The following EFEMP1 variants were observed in gnomAD, a reference collection of about 807,000 sequenced individuals.
The protein encoded by EFEMP1 is EGF-containing fibulin-like extracellular matrix protein 1.
In EFEMP1, 18 loss-of-function variants were observed where a neutral mutation model predicts 65.7. That is an observed-to-expected ratio of 0.27 (90% CI 0.19 to 0.41). EFEMP1 has a LOEUF of 0.41. EFEMP1 is among the 10% of genes least tolerant of loss of function. EFEMP1 has a pLI of 1.00. For synonymous variants in EFEMP1, 237 were observed against 219.7 expected (o/e 1.08, Z -0.70); for missense variants, 469 against 624.8 (o/e 0.75, Z 2.66).
chr2:55,884,962 G>A (rs956395355), intron 5 of EFEMP1, among the ~76,000 whole-genome samples: 13 of 152,166 alleles, frequency 8.5e-5, no homozygotes, highest in African/African-American at 3.1e-4. Context: ...ACCATTTGCT[G>A]AGAATTGGTA....
At chr2:55,898,702 A>G (rs1669924881) in intron 5 of EFEMP1, among the ~76,000 whole-genome samples, 1 of 152,048 alleles carries the variant, frequency 6.6e-6, no homozygotes, top group South Asian at 2.1e-4. Context: ...ATCTGTCACT[A>G]ATTGTGACAG....
chr2:55,868,645 A>C (rs529545042), intron 11 of EFEMP1, among the ~76,000 whole-genome samples: 14 of 152,274 alleles, frequency 9.2e-5, no homozygotes, highest in African/African-American at 3.4e-4. Context: ...TTGACAGCCC[A>C]CATTGATTTT....
At chr2:55,876,141 G>A (rs1669027860) in intron 8 of EFEMP1, among the ~76,000 whole-genome samples, 1 of 152,082 alleles carries the variant, frequency 6.6e-6, no homozygotes, top group Non-Finnish European at 1.5e-5. Flanking sequence ...ATGTGCCCAA[G>A]TCACACAGTA....
intron 6 of EFEMP1, 64 bp downstream of exon 6, chr2:55,881,548 G>T: frequency 6.2e-7 from 1 of 1,604,426 alleles, no homozygotes; most frequent in Non-Finnish European, 8.5e-7. Flanking sequence ...TGATTGGAAT[G>T]CTTGAGGTTG....
At chr2:55,901,081 A>T (rs1401702652) in intron 5 of EFEMP1, among the ~76,000 whole-genome samples, 1 of 152,218 alleles carries the variant, frequency 6.6e-6, no homozygotes, top group Non-Finnish European at 1.5e-5. Context: ...AAAGGTGATG[A>T]TTCTAGGAGC....
intron 9 of EFEMP1, among the ~76,000 whole-genome samples, chr2:55,874,719 T>TA (rs1327135421): frequency 4.6e-5 from 7 of 152,060 alleles, no homozygotes; most frequent in African/African-American, 1.4e-4. Flanking sequence ...TACATATCAA[T>TA]ATTTTATTAA....
In EFEMP1 at chr2:55,919,403, T is replaced by C. The variant is rs773013069; in HGVS notation, c.82-1136A>G. ...ATTCTGTAGGTCTGGGTAGGGGGCC[T>C]GGAATCTAAATTCTTAGCAAGTATC... On this transcript the variant is annotated intron_variant, in intron 3 of 11. Coordinates refer to ENST00000355426, the MANE Select transcript of EFEMP1 (RefSeq NM_001039348.3). The surrounding 1 kb of genome is among the most constrained non-coding windows in gnomAD (Gnocchi z 4.5). 6.6e-6 allele frequency among the ~76,000 whole-genome samples: 1 copy of C among 152,180 alleles called. No homozygotes were observed. The highest frequency in any genetic ancestry group is 1.5e-5 in the Non-Finnish European group (1 of 68,030).
chr2:55,918,398 TG>T (rs1470840098), intron 3 of EFEMP1, 131 bp from the exon 4 acceptor site: 3 of 1,063,948 alleles, frequency 2.8e-6, no homozygotes, highest in Non-Finnish European at 4.4e-6. Flanking sequence ...TATGATGAGA[TG>T]GGTGGTTTAA....
chr2:55,881,562 C>T (rs766187247), intron 6 of EFEMP1, 50 bp downstream of exon 6: 86 of 1,611,112 alleles, frequency 5.3e-5, no homozygotes, highest in Middle Eastern at 2.1e-4. Context: ...GAGGTTGAAA[C>T]AGTTAAGGTA....
At position 55,922,615 on chromosome 2, in the gene EFEMP1, C is replaced by A. The variant is rs759935204; in HGVS notation, c.-7-168G>T. The A allele has an allele frequency of 1.5e-6, 1 of 674,470 alleles. No homozygotes were observed. The highest frequency in any genetic ancestry group is 1.6e-5 in the South Asian group (1 of 62,162). The allele number at this position is 674,470 out of a possible 1,614,324, so 41.8% of individuals were successfully genotyped here. On this transcript the variant is annotated intron_variant, in intron 2 of 11. Transcript: ENST00000355426. The surrounding 1 kb of genome is among the most constrained non-coding windows in gnomAD (Gnocchi z 5.5). ...CTCCCCTCCCCCTCCTGAACCTTCT[C>A]GGTAGCCAACGAACGAGGCAGCAAA...
chr2:55,881,495 A>T (rs1296581240), intron 6 of EFEMP1, 117 bp downstream of exon 6: 1 of 1,337,728 alleles, frequency 7.5e-7, no homozygotes. Flanking sequence ...ATAAAAAAAT[A>T]AGGAATTATT....
intron 5 of EFEMP1, among the ~76,000 whole-genome samples, chr2:55,890,824 T>A (rs971648707): frequency 6.6e-6 from 1 of 152,040 alleles, no homozygotes; most frequent in Non-Finnish European, 1.5e-5. Flanking sequence ...CTACCCTACC[T>A]CCTCATATCA....
Position 55,922,480 on chromosome 2 carries a change from G to A in EFEMP1, c.-7-33C>T, listed in dbSNP as rs769439963. On this transcript the variant is annotated intron_variant, in intron 2 of 11. Coordinates refer to ENST00000355426, the MANE Select transcript of EFEMP1 (RefSeq NM_001039348.3). This position sits in a 1 kb window ranked among gnomAD's most constrained non-coding sequence, Gnocchi z 5.5. ...AAAATACAGGACAAACTAATGTTTA[G>A]TATCTGCTGCGGGGAAAGTAACAAA... 3 of 1,590,030 alleles carry A rather than the reference G, an allele frequency of 1.9e-6. No individual in the cohort carries two copies. Among genetic ancestry groups the A allele is most frequent in the Non-Finnish European group, 1.7e-6 (2 of 1,159,096 alleles).
At position 55,867,864 on chromosome 2, in the gene EFEMP1, T is replaced by C. The variant is rs11695502; in HGVS notation, c.1321-630A>G. Among the ~76,000 whole-genome samples, 19,291 of 152,104 alleles carry C rather than the reference T, an allele frequency of 0.13. 1,383 individuals carry two copies. Among genetic ancestry groups the C allele is most frequent in the African/African-American group, 0.2 (8,479 of 41,482 alleles). On this transcript the variant is annotated intron_variant, in intron 11 of 11. Coordinates refer to ENST00000355426, the MANE Select transcript of EFEMP1 (RefSeq NM_001039348.3). The surrounding 1 kb of genome is among the most constrained non-coding windows in gnomAD (Gnocchi z 4.3). Reference sequence around the variant, plus strand: ...AGAAGAACTGGGTGCAGTTTCATTTTGATGAATAATATGATGGGCTCTTGT... The same window carrying C: ...AGAAGAACTGGGTGCAGTTTCATTTCGATGAATAATATGATGGGCTCTTGT...
At chr2:55,887,087 A>C (rs1433730538) in intron 5 of EFEMP1, among the ~76,000 whole-genome samples, 1 of 152,196 alleles carries the variant, frequency 6.6e-6, no homozygotes. Context: ...AAAGCTTCTT[A>C]TTTAATCCTA....
intron 8 of EFEMP1, among the ~76,000 whole-genome samples, chr2:55,875,367 T>C (rs5831386): frequency 7.3e-4 from 74 of 101,478 alleles, no homozygotes; most frequent in South Asian, 1.9e-3. Flanking sequence ...CACACACACA[T>C]ATATATTTTT....
At chr2:55,903,236 G>A (rs1185896150) in intron 5 of EFEMP1, among the ~76,000 whole-genome samples, 1 of 152,188 alleles carries the variant, frequency 6.6e-6, no homozygotes, top group East Asian at 1.9e-4. Flanking sequence ...ATTAGTAAGA[G>A]AGGGAAATAT....
At chr2:55,904,135 T>C (rs1408983111) in intron 5 of EFEMP1, among the ~76,000 whole-genome samples, 1 of 152,198 alleles carries the variant, frequency 6.6e-6, no homozygotes, top group African/African-American at 2.4e-5. Context: ...TTTTGCTTTT[T>C]CCTTAGAAGA....
chr2:55,874,743 T>TC (rs1448241965), intron 9 of EFEMP1, among the ~76,000 whole-genome samples: 7 of 152,020 alleles, frequency 4.6e-5, no homozygotes, highest in African/African-American at 1.4e-4. Flanking sequence ...TATTTATCTT[T>TC]TAAGGACGAA....
Sources: allele counts gnomAD v4.1 joint callset (sites outside exome capture counted in the v4.1 genomes callset), GRCh38; gene constraint gnomAD v4.1.1; non-coding constraint Gnocchi (gnomAD v3.1); transcripts MANE v1.5; gene names NCBI Gene and HGNC (gene_info 2026-07-23, HGNC 2026-07-21).